The following FMN1 variants were observed in gnomAD, a reference collection of about 807,000 sequenced individuals.
FMN1 encodes the protein formin 1.
In FMN1, 110 loss-of-function variants were observed where a neutral mutation model predicts 132.4. That is an observed-to-expected ratio of 0.83 (90% confidence interval 0.71 to 0.97). The LOEUF (loss-of-function observed/expected upper bound fraction) is 0.97. Among genes scored for constraint, FMN1 ranks in the 50% least tolerant of loss-of-function variants. FMN1 has a pLI of 0.00. For synonymous variants in FMN1, 722 were observed against 651.7 expected (o/e 1.11, Z -1.64); for missense variants, 1,792 against 1,705.3 (o/e 1.05, Z -0.90).
At chr15:33,077,865 C>A (rs1048935440) in intron 5 of FMN1, among the ~76,000 whole-genome samples, 1 of 151,112 alleles carries the variant, frequency 6.6e-6, no homozygotes, top group African/African-American at 2.4e-5. Context: ...GATATTTATG[C>A]AGCCAAAAGA....
chr15:32,782,691 A>G (rs765411398), intron 19 of FMN1, among the ~76,000 whole-genome samples: 2 of 152,226 alleles, frequency 1.3e-5, no homozygotes, highest in African/African-American at 2.4e-5. Flanking sequence ...CTAGCTGCAT[A>G]CACGCTCAAC....
chr15:32,913,102 C>G (rs2060602958), intron 10 of FMN1, among the ~76,000 whole-genome samples: 1 of 152,076 alleles, frequency 6.6e-6, no homozygotes, highest in African/African-American at 2.4e-5. Flanking sequence ...TGTTTCTGAT[C>G]GCGGTTACTA....
Position 32,833,181 on chromosome 15 carries a change from C to T in FMN1, c.3928+23834G>A, listed in dbSNP as rs140597874. ...CATATTTTAGGATGTCATTCCTCTACTGACAGCTACCACTTCTAGAGTAAT... is the reference window on the plus strand; with the variant it reads ...CATATTTTAGGATGTCATTCCTCTATTGACAGCTACCACTTCTAGAGTAAT... On this transcript the variant is annotated intron_variant, in intron 17 of 20. Coordinates refer to ENST00000616417, the MANE Select transcript of FMN1 (RefSeq NM_001277313.2). 8.1e-4 allele frequency among the ~76,000 whole-genome samples: 123 copies of T among 152,264 alleles called. 3 individuals are homozygous for T. Among genetic ancestry groups the T allele is most frequent in the East Asian group, 5.8e-4 (3 of 5,188 alleles).
chr15:32,934,570 CTT>C (rs998576157), intron 9 of FMN1, among the ~76,000 whole-genome samples: 2 of 140,828 alleles, frequency 1.4e-5, no homozygotes, highest in African/African-American at 5.2e-5. Context: ...ATCTATTTCT[CTT>C]TTGTTTCTGA....
chr15:32,773,836 G>A lies in FMN1; in HGVS notation c.*474C>T, dbSNP rs1212533267. The A allele has an allele frequency of 6.2e-6, 1 of 160,642 alleles. No homozygotes were observed. The allele number at this position is 160,642 out of a possible 1,614,324, so 10.0% of individuals were successfully genotyped here. ...ATTATTGGAGAGAAAGATGCTGCAG[G>A]ATTTTGCTGCAACAGGATCAAAACT... On this transcript the variant is annotated 3_prime_UTR_variant, in exon 21 of 21. Coordinates refer to ENST00000616417, the MANE Select transcript of FMN1 (RefSeq NM_001277313.2).
At chr15:32,858,098 C>A (rs117992417) in intron 16 of FMN1, among the ~76,000 whole-genome samples, 1 of 152,140 alleles carries the variant, frequency 6.6e-6, no homozygotes, top group Non-Finnish European at 1.5e-5. Flanking sequence ...AATAGAGAAA[C>A]ATATACTACA....
At chr15:33,141,446 G>A (rs969592917) in intron 4 of FMN1, among the ~76,000 whole-genome samples, 6 of 152,012 alleles carry the variant, frequency 3.9e-5, no homozygotes, top group African/African-American at 9.7e-5. Flanking sequence ...GTAACATAAC[G>A]TCACCCATCA....
At chr15:32,880,121 C>T (rs545155167) in intron 16 of FMN1, among the ~76,000 whole-genome samples, 1 of 152,060 alleles carries the variant, frequency 6.6e-6, no homozygotes, top group South Asian at 2.1e-4. Flanking sequence ...CGCCTCTTCA[C>T]TTCCATCACC....
intron 17 of FMN1, among the ~76,000 whole-genome samples, chr15:32,850,968 G>A (rs887130781): frequency 2.0e-5 from 3 of 152,124 alleles, no homozygotes; most frequent in Non-Finnish European, 4.4e-5. Flanking sequence ...TGAGGCAGGA[G>A]AATGGCGTGA....
intron 7 of FMN1, among the ~76,000 whole-genome samples, chr15:32,994,232 T>TCTCTCTCTCTCTCTCTCTCA (rs904998781): frequency 0.05 from 1,857 of 37,026 alleles, 15 homozygotes; most frequent in Middle Eastern, 0.14. Context: ...TCTCTCTCTC[T>TCTCTCTCTCTCTCTCTCTCA]CACACACACA....
chr15:33,043,046 G>T (rs1475852230), intron 6 of FMN1, among the ~76,000 whole-genome samples: 3 of 152,202 alleles, frequency 2.0e-5, no homozygotes, highest in Non-Finnish European at 4.4e-5. Context: ...GACTTATGAT[G>T]ATTTTTCAGG....
In FMN1 at chr15:32,957,311, T is replaced by TG. The variant is rs1596342493; in HGVS notation, c.3138+6795_3138+6796insC. On this transcript the variant is annotated intron_variant, in intron 9 of 20. Transcript: ENST00000616417. ...ATCAGAGCAGTTCTTTTTTTTTTTT[T>TG]TTTTTTTTTTTTTTACAGGAACCAG... 4.8e-5 allele frequency among the ~76,000 whole-genome samples: 7 copies of TG among 145,454 alleles called. No homozygotes were observed. In the South Asian group the frequency reaches 1.4e-3, roughly 28 times the overall value.
intron 17 of FMN1, among the ~76,000 whole-genome samples, chr15:32,809,921 A>T (rs552509235): frequency 1.2e-4 from 17 of 146,948 alleles, no homozygotes; most frequent in Admixed American, 4.1e-4. Flanking sequence ...TCAAATACTT[A>T]TTTTTTTTTT....
intron 6 of FMN1, among the ~76,000 whole-genome samples, chr15:33,047,680 C>G (rs879774825): frequency 2.6e-5 from 4 of 152,170 alleles, no homozygotes; most frequent in African/African-American, 9.7e-5. Context: ...CAGGAAATGA[C>G]TTTGAAGACT....
chr15:32,984,464 A>G (rs1263607900), intron 7 of FMN1, among the ~76,000 whole-genome samples: 1 of 152,150 alleles, frequency 6.6e-6, no homozygotes. Context: ...CCTACTCTGT[A>G]AAATGAGGAT....
At chr15:33,082,261 CG>C (rs2038511608) in intron 5 of FMN1, among the ~76,000 whole-genome samples, 1 of 151,918 alleles carries the variant, frequency 6.6e-6, no homozygotes, top group Admixed American at 6.6e-5. Context: ...TCAGTAGAGA[CG>C]GGGTTTCATC....
intron 9 of FMN1, among the ~76,000 whole-genome samples, chr15:32,929,969 T>C (rs924386473): frequency 2.0e-5 from 3 of 150,006 alleles, no homozygotes; most frequent in African/African-American, 4.9e-5. Context: ...CATATGGTAG[T>C]TCTATTTTTA....
At chr15:32,833,838 A>G (rs180805036) in intron 17 of FMN1, among the ~76,000 whole-genome samples, 231 of 152,304 alleles carry the variant, frequency 1.5e-3, no homozygotes, top group African/African-American at 5.4e-3. Flanking sequence ...TTCTGGAATC[A>G]ATAGGGCAAA....
At chr15:32,877,289 GAA>G (rs146024325) in intron 16 of FMN1, among the ~76,000 whole-genome samples, 1 of 136,238 alleles carries the variant, frequency 7.3e-6, no homozygotes, top group African/African-American at 2.7e-5. Context: ...TCTGTCTCAG[GAA>G]AAAAAAAAAA....
Sources: allele counts gnomAD v4.1 joint callset (sites outside exome capture counted in the v4.1 genomes callset), GRCh38; gene constraint gnomAD v4.1.1; transcripts MANE v1.5; gene names NCBI Gene and HGNC (gene_info 2026-07-23, HGNC 2026-07-21).